The following PARP10 variants were observed in gnomAD, a reference collection of about 807,000 sequenced individuals.
PARP10 encodes the protein protein mono-ADP-ribosyltransferase PARP10.
Under a neutral mutation model 82.4 loss-of-function variants are expected in PARP10, and 56 were observed. The ratio of observed to expected loss-of-function variants is 0.68; its 90% CI spans 0.55 to 0.85. The LOEUF (loss-of-function observed/expected upper bound fraction) is 0.85, where lower values mean the gene tolerates loss of function less well. Among genes scored for constraint, PARP10 ranks in the 40% least tolerant of loss-of-function variants. The pLI, the probability that PARP10 is intolerant of heterozygous loss-of-function variation, is 0.00. For synonymous variants in PARP10, 576 were observed against 601.1 expected (o/e 0.96, Z 0.61); for missense variants, 1,227 against 1,379.4 (o/e 0.89, Z 1.75).
In PARP10 at chr8:143,977,373, G is replaced by T; in HGVS notation, c.*111C>A. On this transcript the variant is annotated 3_prime_UTR_variant, in exon 11 of 11. Coordinates refer to ENST00000313028, the MANE Select transcript of PARP10 (RefSeq NM_032789.5). ...CGCCTTCTGGAGCCCGCAGAGGGAG[G>T]CAGGGGCGTCCCCGGGGACAGCTCA... is the stretch of plus-strand genomic sequence containing the variant. The T allele has an allele frequency of 1.9e-6, 2 of 1,071,322 alleles. No homozygotes were observed. The highest frequency in any genetic ancestry group is 2.6e-6 in the Non-Finnish European group (2 of 766,794). The allele number at this position is 1,071,322 out of a possible 1,614,324, so 66.4% of individuals were successfully genotyped here.
intron 1 of PARP10, among the ~76,000 whole-genome samples, chr8:144,010,760 C>T (rs2133086516): frequency 6.6e-6 from 1 of 151,992 alleles, no homozygotes; most frequent in East Asian, 1.9e-4. Flanking sequence ...TGGCACACAC[C>T]TGTAGTCTCA....
chr8:144,009,964 T>C (rs2133085213), intron 1 of PARP10, among the ~76,000 whole-genome samples: 1 of 152,258 alleles, frequency 6.6e-6, no homozygotes, highest in East Asian at 1.9e-4. Flanking sequence ...TGCCACTCAG[T>C]AGTTTCTTCC....
In PARP10 at chr8:143,986,242, G is replaced by C. The variant is rs972373526; in HGVS notation, c.3-9C>G. ...CCTCCGCCATTGCAACCCTGGGACG[G>C]GGCATCAGGTGGGTAGGGAAACAGC... On this transcript the variant is annotated splice_polypyrimidine_tract_variant and intron_variant, in intron 1 of 10. Coordinates refer to ENST00000313028, the MANE Select transcript of PARP10 (RefSeq NM_032789.5). The C allele has an allele frequency of 1.2e-6, 2 of 1,613,862 alleles. No homozygotes were observed. Among genetic ancestry groups the C allele is most frequent in the Non-Finnish European group, 1.7e-6 (2 of 1,179,800 alleles).
In PARP10 at chr8:143,984,234, G is replaced by GGC. The variant is rs1554748565; in HGVS notation, c.1654_1655dup (p.Thr553ProfsTer39). 1.9e-6 allele frequency: 3 copies of GGC among 1,613,904 alleles called. No individual in the cohort carries two copies. Among genetic ancestry groups the GGC allele is most frequent in the Non-Finnish European group, 2.5e-6 (3 of 1,179,850 alleles). ...CCTCTTCAAGGCCTGTGTCCAACGT[G>GGC]GCTGTGGCCAGGCGCTCTGTCCCAA... On this transcript the variant is annotated frameshift_variant, in exon 6 of 11. Coordinates refer to ENST00000313028, the MANE Select transcript of PARP10 (RefSeq NM_032789.5). LOFTEE classifies it high-confidence loss of function.
upstream of PARP10, among the ~76,000 whole-genome samples, chr8:143,994,100 A>G (rs958983514): frequency 2.0e-5 from 3 of 152,182 alleles, no homozygotes; most frequent in Non-Finnish European, 4.4e-5. Flanking sequence ...GCCCAGAGGC[A>G]GCTTTGGACT....
At chr8:144,000,362 C>T (rs908599478) in intron 1 of PARP10, among the ~76,000 whole-genome samples, 1 of 152,062 alleles carries the variant, frequency 6.6e-6, no homozygotes, top group Admixed American at 6.6e-5. Flanking sequence ...TGTGTTGCCA[C>T]AAGGAAGGAA....
intron 6 of PARP10, 27 bp downstream of exon 6, chr8:143,984,183 A>G: frequency 7.1e-7 from 1 of 1,405,618 alleles, no homozygotes; most frequent in Non-Finnish European, 9.8e-7. Flanking sequence ...GAGAAAGGGG[A>G]GGGCAGGGGT....
intron 1 of PARP10, among the ~76,000 whole-genome samples, chr8:144,003,972 C>A (rs1834219157): frequency 6.6e-6 from 1 of 151,848 alleles, no homozygotes; most frequent in Admixed American, 6.6e-5. Flanking sequence ...GAGGCCGAGG[C>A]TGCAGTGAGC....
chr8:143,994,132 C>G (rs991734110), upstream of PARP10, among the ~76,000 whole-genome samples: 3 of 152,212 alleles, frequency 2.0e-5, no homozygotes, highest in Admixed American at 2.0e-4. Flanking sequence ...ACTGCAGCCT[C>G]GAGGCTCTGC....
At chr8:143,993,720 C>T (rs1554750970), upstream of PARP10, among the ~76,000 whole-genome samples, 1 of 152,238 alleles carries the variant, frequency 6.6e-6, no homozygotes, top group Non-Finnish European at 1.5e-5. Context: ...CTTCTGTCGC[C>T]TGGGCCAGCG....
chr8:144,001,689 A>G (rs1834203928), intron 1 of PARP10, among the ~76,000 whole-genome samples: 1 of 152,060 alleles, frequency 6.6e-6, no homozygotes. Flanking sequence ...CTGGGCAACA[A>G]GAGCAAAACT....
chr8:143,997,151 AAGG>A (rs1310782414), intron 1 of PARP10, among the ~76,000 whole-genome samples: 8 of 152,214 alleles, frequency 5.3e-5, no homozygotes, highest in African/African-American at 1.9e-4. Context: ...TACTTTGTCT[AAGG>A]CTTGTAGGAC....
upstream of PARP10, among the ~76,000 whole-genome samples, chr8:143,995,248 G>A (rs1208604451): frequency 2.6e-5 from 4 of 152,216 alleles, no homozygotes; most frequent in African/African-American, 9.7e-5. Flanking sequence ...AGGAAGATGA[G>A]TCTGGCAATA....
intron 9 of PARP10, among the ~76,000 whole-genome samples, chr8:143,979,869 G>A (rs1036700655): frequency 6.6e-6 from 1 of 151,864 alleles, no homozygotes; most frequent in Non-Finnish European, 1.5e-5. Context: ...AAATTTAGCC[G>A]GGCGCGGTGG....
chr8:143,989,700 C>G (rs1834056883), upstream of PARP10: 1 of 152,184 alleles, frequency 6.6e-6, no homozygotes, highest in African/African-American at 2.4e-5. The surrounding 1 kb of genome is among the most constrained non-coding windows in gnomAD (Gnocchi z 4.3). Context: ...GATTTGGGAA[C>G]TAAAGGATTA....
chr8:143,999,859 A>C (rs1554751573), intron 1 of PARP10, among the ~76,000 whole-genome samples: 1 of 152,176 alleles, frequency 6.6e-6, no homozygotes, highest in African/African-American at 2.4e-5. Context: ...AGGTCGATAG[A>C]AAATATCCTA....
chr8:144,010,280 G>A (rs1834265708), intron 1 of PARP10, among the ~76,000 whole-genome samples: 1 of 152,182 alleles, frequency 6.6e-6, no homozygotes, highest in Non-Finnish European at 1.5e-5. Flanking sequence ...GATAAGGTGG[G>A]GACAATGCCT....
At chr8:143,991,136 A>G (rs1260143082), upstream of PARP10, 3 of 852,860 alleles carry the variant, frequency 3.5e-6, no homozygotes, top group Non-Finnish European at 5.4e-6. Flanking sequence ...GGAGTTGCGC[A>G]GGGCTGGGTC....
chr8:143,989,995 C>A (rs1834062276), upstream of PARP10: 1 of 151,842 alleles, frequency 6.6e-6, no homozygotes, highest in Admixed American at 6.5e-5. This position sits in a 1 kb window ranked among gnomAD's most constrained non-coding sequence, Gnocchi z 4.3. Context: ...CGCGGAAGCC[C>A]CGCCCACCTG....
Sources: gnomAD v4.1 joint callset for allele counts (sites outside exome capture counted in the v4.1 genomes callset) on GRCh38, gnomAD v4.1.1 for gene constraint, Gnocchi (gnomAD v3.1) non-coding constraint, MANE v1.5 for transcripts, NCBI Gene and HGNC (gene_info 2026-07-23, HGNC 2026-07-21) for gene names.